The following RANBP2 variants were observed in gnomAD, a reference collection of about 807,000 sequenced individuals.
RANBP2 encodes the protein E3 SUMO-protein ligase RanBP2.
RANBP2 carries 57 observed loss-of-function variants against 303.6 expected under a neutral mutation model. That is an observed-to-expected ratio of 0.19 (90% confidence interval 0.15 to 0.23). RANBP2 has a LOEUF of 0.23. RANBP2 is among the 10% of genes least tolerant of loss of function. The probability of loss-of-function intolerance (pLI) is 1.00; values close to 1 mark genes in which losing one functional copy is unlikely to be tolerated. For synonymous variants in RANBP2, 1,167 were observed against 1,301.5 expected, an observed-to-expected ratio of 0.90 and a Z score of 2.23; for missense variants, 3,138 against 3,780.8, an observed-to-expected ratio of 0.83 and a Z score of 4.46.
At chr2:109,089,433 A>G in the RANBP2 span, among the ~76,000 whole-genome samples, 1 of 151,338 alleles carries the variant, frequency 6.6e-6, no homozygotes, top group African/African-American at 2.4e-5. Flanking sequence ...TGAGACCCCC[A>G]TCTCTATTTA....
the RANBP2 span, among the ~76,000 whole-genome samples, chr2:109,161,433 C>T: frequency 1.3e-5 from 2 of 152,088 alleles, no homozygotes; most frequent in African/African-American, 2.4e-5. Context: ...TGTGATGCTT[C>T]CTGATGGTCT....
chr2:109,716,394 G>A, the RANBP2 span, among the ~76,000 whole-genome samples: 1 of 152,000 alleles, frequency 6.6e-6, no homozygotes, highest in East Asian at 1.9e-4. Flanking sequence ...TGGGATTATA[G>A]GTGCCTGCCA....
At chr2:109,180,416 G>A in the RANBP2 span, among the ~76,000 whole-genome samples, 2 of 152,182 alleles carry the variant, frequency 1.3e-5, no homozygotes, top group Admixed American at 6.5e-5. Flanking sequence ...CCATTAGCTA[G>A]CCAATGAACT....
the RANBP2 span, among the ~76,000 whole-genome samples, chr2:109,293,454 G>A: frequency 2.4e-4 from 37 of 152,266 alleles, no homozygotes; most frequent in East Asian, 2.9e-3. Flanking sequence ...AGTGGTGACC[G>A]GGCTGCCTGC....
chr2:109,505,096 T>C, the RANBP2 span, among the ~76,000 whole-genome samples: 14 of 152,176 alleles, frequency 9.2e-5, no homozygotes, highest in African/African-American at 3.1e-4. Flanking sequence ...CTCTGGCCCT[T>C]GGGGCGCCTG....
the RANBP2 span, among the ~76,000 whole-genome samples, chr2:109,598,322 C>T: frequency 6.6e-6 from 1 of 152,112 alleles, no homozygotes; most frequent in African/African-American, 2.4e-5. Context: ...CCCACCTCAG[C>T]CTCCCAAAGT....
rs1558903324 is a variant in RANBP2, at chr2:108,751,994, G to A, written c.1755G>A (p.Thr585=). Residue 585 remains threonine (T), a splice_region_variant and synonymous_variant, in exon 12 of 29, where the codon ACG becomes ACA. Transcript: ENST00000283195. ...ATTGGGCAGAATGCCTTCAGAAAAC[G>A]GTGAGTTTTAAAGTATAAGCATTTT... is the stretch of plus-strand genomic sequence containing the variant. ...LVHWAECLQK[T]GSGLNSFYDQ... 1.2e-6 allele frequency: 2 copies of A among 1,611,610 alleles called. No homozygotes were observed. Among genetic ancestry groups the A allele is most frequent in the Non-Finnish European group, 1.7e-6 (2 of 1,179,826 alleles).
At chr2:109,632,109 C>T in the RANBP2 span, among the ~76,000 whole-genome samples, 1 of 152,152 alleles carries the variant, frequency 6.6e-6, no homozygotes, top group East Asian at 1.9e-4. Context: ...CGGAGGCTTC[C>T]AGGGCCTCCT....
chr2:109,230,328 C>G, the RANBP2 span, among the ~76,000 whole-genome samples: 5 of 152,134 alleles, frequency 3.3e-5, no homozygotes, highest in African/African-American at 7.2e-5. Context: ...GTAAACCCAG[C>G]ACTTCCGAGA....
At chr2:108,853,176 A>G in the RANBP2 span, among the ~76,000 whole-genome samples, 6 of 152,304 alleles carry the variant, frequency 3.9e-5, no homozygotes, top group East Asian at 7.7e-4. Flanking sequence ...ATGAACATCA[A>G]CCGAGTTCTT....
chr2:108,830,683 A>G, the RANBP2 span, among the ~76,000 whole-genome samples: 1 of 151,932 alleles, frequency 6.6e-6, no homozygotes, highest in Non-Finnish European at 1.5e-5. Context: ...TGGTGGGCAC[A>G]TGTAATCCCA....
the RANBP2 span, among the ~76,000 whole-genome samples, chr2:109,427,925 G>A: frequency 6.6e-6 from 1 of 152,218 alleles, no homozygotes; most frequent in East Asian, 1.9e-4. Flanking sequence ...GCTCGCGCAC[G>A]CTCCTCTGAG....
the RANBP2 span, among the ~76,000 whole-genome samples, chr2:108,967,428 CAGA>C: frequency 6.6e-6 from 1 of 152,130 alleles, no homozygotes; most frequent in East Asian, 1.9e-4. Context: ...AGAGCAGGAG[CAGA>C]AGAAGGGGAA....
chr2:108,846,791 A>G, the RANBP2 span: 1 of 1,612,422 alleles, frequency 6.2e-7, no homozygotes, highest in Non-Finnish European at 8.5e-7. Flanking sequence ...TTTTTAAAGG[A>G]GTGGTAACTA....
the RANBP2 span, among the ~76,000 whole-genome samples, chr2:108,894,120 C>A: frequency 6.6e-6 from 1 of 152,118 alleles, no homozygotes; most frequent in African/African-American, 2.4e-5. Flanking sequence ...CCCTACTAAC[C>A]CCCGAGCTAT....
At chr2:109,398,594 A>C in the RANBP2 span, 4 of 1,560,416 alleles carry the variant, frequency 2.6e-6, no homozygotes, top group Non-Finnish European at 3.5e-6. Flanking sequence ...ACTCAGCTCA[A>C]TGACTCCGCC....
the RANBP2 span, among the ~76,000 whole-genome samples, chr2:108,897,752 C>A: frequency 1.3e-5 from 2 of 152,168 alleles, no homozygotes; most frequent in African/African-American, 4.8e-5. Context: ...ATTAGACTCA[C>A]CTAGGAGCAT....
At chr2:109,524,460 A>C in the RANBP2 span, among the ~76,000 whole-genome samples, 10 of 68,114 alleles carry the variant, frequency 1.5e-4, no homozygotes, top group Middle Eastern at 0.015. Context: ...AAAAAAAAAA[A>C]AAAAAACAAA....
chr2:108,972,525 G>A, the RANBP2 span, among the ~76,000 whole-genome samples: 25 of 152,338 alleles, frequency 1.6e-4, no homozygotes, highest in Non-Finnish European at 3.5e-4. Flanking sequence ...GCAACGGGCC[G>A]AGGCAGCCTA....
Sources: allele counts gnomAD v4.1 joint callset (sites outside exome capture counted in the v4.1 genomes callset), GRCh38; gene constraint gnomAD v4.1.1; transcripts MANE v1.5; gene names NCBI Gene and HGNC (gene_info 2026-07-23, HGNC 2026-07-21).